The following RGS7BP variants were observed in gnomAD, a reference collection of about 807,000 sequenced individuals.
RGS7BP encodes regulator of G protein signaling 7-binding protein.
A neutral mutation model predicts 31.3 loss-of-function variants in RGS7BP; 9 were observed. That is an observed-to-expected ratio of 0.29 (90% CI 0.17 to 0.50). RGS7BP has a LOEUF of 0.50. Among genes scored for constraint, RGS7BP ranks in the 20% least tolerant of loss-of-function variants. The pLI, the probability that RGS7BP is intolerant of heterozygous loss-of-function variation, is 0.98. For missense variants in RGS7BP, 274 were observed against 322.0 expected (o/e 0.85, Z 1.14); for synonymous variants, 115 against 120.1 (o/e 0.96, Z 0.28).
intron 4 of RGS7BP, among the ~76,000 whole-genome samples, chr5:64,596,369 G>C (rs1743068255): frequency 6.6e-6 from 1 of 152,136 alleles, no homozygotes; most frequent in Non-Finnish European, 1.5e-5. Flanking sequence ...GTCATCAGGA[G>C]GGAATTCTTA....
At chr5:64,508,161 A>G (rs1389045848) in intron 2 of RGS7BP, among the ~76,000 whole-genome samples, 1 of 152,156 alleles carries the variant, frequency 6.6e-6, no homozygotes, top group Non-Finnish European at 1.5e-5. Context: ...GGAGCATAAG[A>G]TTTGGGGTGG....
At position 64,506,843 on chromosome 5, in the gene RGS7BP, G is replaced by T; in HGVS notation, c.165+54G>T. The T allele has an allele frequency of 6.7e-7, 1 of 1,501,248 alleles. No individual in the cohort carries two copies. The highest frequency in any genetic ancestry group is 9.0e-7 in the Non-Finnish European group (1 of 1,112,484). 93.0% of individuals were successfully genotyped at this position (1,501,248 alleles called of 1,614,324 possible). A position where few individuals can be genotyped will look rare whatever the true frequency, so the allele number is the denominator to read the frequency against. ...TTTTTTTAATTGAGAGGGGGTGGGG[G>T]GAGTCATGTATGTTAATCATTTGCC... is the stretch of plus-strand genomic sequence containing the variant. On this transcript the variant is annotated intron_variant, in intron 1 of 5. Transcript: ENST00000334025. The surrounding 1 kb of genome is among the most constrained non-coding windows in gnomAD (Gnocchi z 4.6).
chr5:64,574,033 G>C (rs1463588967), intron 2 of RGS7BP, among the ~76,000 whole-genome samples: 1 of 152,144 alleles, frequency 6.6e-6, no homozygotes, highest in Non-Finnish European at 1.5e-5. Context: ...TGATGAACCA[G>C]CATAGAAAAG....
intron 2 of RGS7BP, among the ~76,000 whole-genome samples, chr5:64,533,770 T>C (rs1356955385): frequency 6.6e-6 from 1 of 152,256 alleles, no homozygotes; most frequent in African/African-American, 2.4e-5. Flanking sequence ...TTAAACGTTA[T>C]GCCAACCTTC....
intron 3 of RGS7BP, among the ~76,000 whole-genome samples, chr5:64,591,312 C>T (rs1341231499): frequency 6.6e-6 from 1 of 151,822 alleles, no homozygotes; most frequent in Non-Finnish European, 1.5e-5. Flanking sequence ...AAACCTGCAC[C>T]TATACCCCTG....
intron 5 of RGS7BP, among the ~76,000 whole-genome samples, chr5:64,605,527 C>T (rs1743329930): frequency 6.6e-6 from 1 of 152,088 alleles, no homozygotes; most frequent in African/African-American, 2.4e-5. Context: ...TTCCTTGGAG[C>T]TGAATTCACT....
intron 2 of RGS7BP, among the ~76,000 whole-genome samples, chr5:64,542,148 A>G (rs1328730450): frequency 6.6e-6 from 1 of 152,228 alleles, no homozygotes; most frequent in African/African-American, 2.4e-5. Context: ...GAAAGAGTTG[A>G]AAGTTTAGGG....
chr5:64,562,934 A>T (rs1357998587), intron 2 of RGS7BP, among the ~76,000 whole-genome samples: 2 of 152,042 alleles, frequency 1.3e-5, no homozygotes, highest in Non-Finnish European at 2.9e-5. Context: ...GTTCCTAGGG[A>T]TATTGTAACC....
rs114413757 is a variant in RGS7BP at position 64,552,529 on chromosome 5, G to A, written c.333-23245G>A. Among the ~76,000 whole-genome samples, 687 of 152,058 alleles carry A rather than the reference G, an allele frequency of 4.5e-3. 7 individuals carry two copies. The highest frequency in any genetic ancestry group is 0.016 in the African/African-American group (664 of 41,470). The stretch of plus-strand genomic sequence containing the variant: ...AACAAAGGAGAATTAGAACTGACTC[G>A]ACATACCTAACATATCTTCATTTTG... On this transcript the variant is annotated intron_variant, in intron 2 of 5. Transcript: ENST00000334025.
At chr5:64,578,611 C>T (rs1223401441) in intron 3 of RGS7BP, among the ~76,000 whole-genome samples, 2 of 152,180 alleles carry the variant, frequency 1.3e-5, no homozygotes, top group African/African-American at 2.4e-5. Flanking sequence ...GAAAAACTTC[C>T]AAGCCCTTAC....
rs144108867 is a variant in RGS7BP, at chr5:64,530,416, G to A, written c.332+22539G>A. Among the ~76,000 whole-genome samples, 318 of 152,294 alleles carry A rather than the reference G, an allele frequency of 2.1e-3. 2 individuals carry two copies. Among genetic ancestry groups the A allele is most frequent in the Middle Eastern group, 6.8e-3 (2 of 294 alleles). ...AGCTTCAAGATTTAAAAGTGCTTTCGTGATAAAAATAATCTCACATTGTCC... is the reference window on the plus strand; with the variant it reads ...AGCTTCAAGATTTAAAAGTGCTTTCATGATAAAAATAATCTCACATTGTCC... On this transcript the variant is annotated intron_variant, in intron 2 of 5. Transcript: ENST00000334025.
In RGS7BP at chr5:64,609,575, A is replaced by C; in HGVS notation, c.*323A>C. 1 of 237,742 alleles carries C rather than the reference A, an allele frequency of 4.2e-6. No homozygotes were observed. The highest frequency in any genetic ancestry group is 8.4e-6 in the Non-Finnish European group (1 of 118,678). The allele number at this position is 237,742 out of a possible 1,614,324, so 14.7% of individuals were successfully genotyped here. On this transcript the variant is annotated 3_prime_UTR_variant, in exon 6 of 6. Transcript: ENST00000334025. The stretch of plus-strand genomic sequence containing the variant: ...AATTATTTAAAGGTTTTTTAAATGT[A>C]TTATACAGAGGAAAAATATTTCACA...
At chr5:64,588,315 G>A (rs1305571653) in intron 3 of RGS7BP, among the ~76,000 whole-genome samples, 2 of 152,208 alleles carry the variant, frequency 1.3e-5, no homozygotes, top group African/African-American at 2.4e-5. Context: ...TCTCAAGGAT[G>A]TTTATTTAGG....
intron 2 of RGS7BP, among the ~76,000 whole-genome samples, chr5:64,522,394 G>A (rs915193096): frequency 1.3e-5 from 2 of 152,142 alleles, no homozygotes; most frequent in African/African-American, 2.4e-5. Context: ...TCAGAAACCA[G>A]AACATGATTC....
At chr5:64,515,360 G>T (rs1002168059) in intron 2 of RGS7BP, among the ~76,000 whole-genome samples, 2 of 152,236 alleles carry the variant, frequency 1.3e-5, no homozygotes, top group Non-Finnish European at 2.9e-5. Flanking sequence ...GTGAGGCATA[G>T]GTGTTCATTA....
At chr5:64,585,124 G>A (rs41533344) in intron 3 of RGS7BP, among the ~76,000 whole-genome samples, 37,260 of 151,890 alleles carry the variant, frequency 0.25, 5,859 homozygotes, top group South Asian at 0.39. Context: ...TTTGTTGTTC[G>A]CATTCAGTCA....
chr5:64,589,690 T>C (rs1014563925), intron 3 of RGS7BP, among the ~76,000 whole-genome samples: 4 of 152,076 alleles, frequency 2.6e-5, no homozygotes, highest in African/African-American at 9.7e-5. Context: ...TTCCAGCACT[T>C]TGGGAGGCTG....
At chr5:64,507,630 C>A in intron 1 of RGS7BP, 81 bp from the exon 2 acceptor site, 4 of 1,320,634 alleles carry the variant, frequency 3.0e-6, no homozygotes, top group Non-Finnish European at 4.1e-6. Flanking sequence ...TCAGTGAAAG[C>A]CCCTGTTTAT....
chr5:64,515,711 TACACACACAC>T (rs140297030), intron 2 of RGS7BP, among the ~76,000 whole-genome samples: 1 of 148,666 alleles, frequency 6.7e-6, no homozygotes, highest in African/African-American at 2.5e-5. Flanking sequence ...CCTATATGCA[TACACACACAC>T]ACACACACAC....
Sources: gnomAD v4.1 joint callset for allele counts (sites outside exome capture counted in the v4.1 genomes callset) on GRCh38, gnomAD v4.1.1 for gene constraint, Gnocchi (gnomAD v3.1) non-coding constraint, MANE v1.5 for transcripts, NCBI Gene and HGNC (gene_info 2026-07-23, HGNC 2026-07-21) for gene names.